The following PCDHA10 variants were observed in gnomAD, a reference collection of about 807,000 sequenced individuals.
PCDHA10 encodes the protein protocadherin alpha-10.
A neutral mutation model predicts 61.2 loss-of-function variants in PCDHA10; 45 were observed. The ratio of observed to expected loss-of-function variants is 0.74; its 90% CI spans 0.58 to 0.94. The LOEUF (loss-of-function observed/expected upper bound fraction) is 0.94. Among genes scored for constraint, PCDHA10 ranks in the 40% least tolerant of loss-of-function variants. PCDHA10 has a pLI of 0.00. For synonymous variants in PCDHA10, 602 were observed against 548.8 expected (o/e 1.10, Z -1.35); for missense variants, 1,278 against 1,236.2 (o/e 1.03, Z -0.51).
intron 1 of PCDHA10, among the ~76,000 whole-genome samples, chr5:140,952,912 C>A (rs1554220675): frequency 6.6e-6 from 1 of 152,042 alleles, no homozygotes; most frequent in East Asian, 1.9e-4. Flanking sequence ...GCTCATCTTA[C>A]ATGGCATGAG....
At chr5:140,966,839 C>T (rs782091529) in intron 1 of PCDHA10, 14 of 1,567,058 alleles carry the variant, frequency 8.9e-6, no homozygotes, top group Non-Finnish European at 1.1e-5. Flanking sequence ...CTGGCTGCTG[C>T]TACTGCCTCT....
chr5:140,897,309 A>G (rs1165791921), intron 1 of PCDHA10, among the ~76,000 whole-genome samples: 3 of 148,098 alleles, frequency 2.0e-5, no homozygotes, highest in Non-Finnish European at 3.0e-5. Flanking sequence ...CATTAGGTAT[A>G]TCTCCTAAAG....
rs782451974 is a variant in PCDHA10, at chr5:141,009,822, T to A, written c.2732T>A (p.Phe911Tyr). 6.2e-7 allele frequency: 1 copy of A among 1,613,720 alleles called. No individual in the cohort carries two copies. The highest frequency in any genetic ancestry group is 2.2e-5 in the East Asian group (1 of 44,866). Residue 911 changes from phenylalanine (F) to tyrosine (Y), a missense_variant, in exon 4 of 4, where the codon TTC (phenylalanine) becomes TAC (tyrosine). Physicochemically the swap from Phe to Tyr is conservative, Grantham distance 22. Transcript: ENST00000307360. ...AACAGCCAAATTGACAAAAGTGACTTCATAACCTTCGGCAAAAAGGAGGAG... is the reference window on the plus strand; with the variant it reads ...AACAGCCAAATTGACAAAAGTGACTACATAACCTTCGGCAAAAAGGAGGAG... ...PTNSQIDKSDFITFGKKEETK... is the reference protein window; with the variant it reads ...PTNSQIDKSDYITFGKKEETK...
intron 1 of PCDHA10, chr5:140,927,270 C>G: frequency 6.2e-7 from 1 of 1,614,150 alleles, no homozygotes; most frequent in Non-Finnish European, 8.5e-7. Context: ...TCTTTCCTGC[C>G]GGCGACGTGC....
At chr5:140,941,987 G>A (rs1315027422) in intron 1 of PCDHA10, among the ~76,000 whole-genome samples, 1 of 152,104 alleles carries the variant, frequency 6.6e-6, no homozygotes, top group Non-Finnish European at 1.5e-5. Flanking sequence ...ACCTTGATAA[G>A]GGATTCATAT....
intron 2 of PCDHA10, among the ~76,000 whole-genome samples, chr5:140,979,895 T>G (rs1460432451): frequency 6.6e-6 from 1 of 152,222 alleles, no homozygotes; most frequent in Non-Finnish European, 1.5e-5. Context: ...TTCACCAAAC[T>G]TAGATCAGTT....
chr5:141,003,411 G>A (rs537266386), intron 3 of PCDHA10, among the ~76,000 whole-genome samples: 4 of 152,092 alleles, frequency 2.6e-5, no homozygotes, highest in Non-Finnish European at 4.4e-5. Context: ...TCCCGGGTTC[G>A]AGTGATTCTT....
At chr5:140,942,949 G>A (rs1183072564) in intron 1 of PCDHA10, among the ~76,000 whole-genome samples, 10 of 151,942 alleles carry the variant, frequency 6.6e-5, no homozygotes, top group Admixed American at 1.3e-4. Flanking sequence ...AAGTGTAGAC[G>A]TTCTGTTATC....
intron 1 of PCDHA10, among the ~76,000 whole-genome samples, chr5:140,974,552 C>A (rs1554236185): frequency 6.6e-6 from 1 of 152,112 alleles, no homozygotes; most frequent in Non-Finnish European, 1.5e-5. Context: ...GCTCTTGTTG[C>A]CCAGGCTGGA....
chr5:140,971,401 G>A (rs2096476846), intron 1 of PCDHA10, among the ~76,000 whole-genome samples: 1 of 152,164 alleles, frequency 6.6e-6, no homozygotes, highest in Admixed American at 6.5e-5. Context: ...ATTTCTGCCA[G>A]GCACTTTTGG....
rs782410675 is a variant in PCDHA10 at position 140,884,460 on chromosome 5, C to G, written c.2388+26024C>G. On this transcript the variant is annotated intron_variant, in intron 1 of 3. Coordinates refer to ENST00000307360, the MANE Select transcript of PCDHA10 (RefSeq NM_018901.4). ...TGCTCGGCACCGCCCACCGAGGGCGCGTGCGCGCCGGGCAAGCCCACTCTA... is the reference window on the plus strand; with the variant it reads ...TGCTCGGCACCGCCCACCGAGGGCGGGTGCGCGCCGGGCAAGCCCACTCTA... The G allele has an allele frequency of 2.5e-6, 4 of 1,613,614 alleles. No individual in the cohort carries two copies. Among genetic ancestry groups the G allele is most frequent in the Non-Finnish European group, 2.5e-6 (3 of 1,179,818 alleles).
chr5:140,905,170 G>A (rs1350085385), intron 1 of PCDHA10, among the ~76,000 whole-genome samples: 1 of 152,188 alleles, frequency 6.6e-6, no homozygotes, highest in Non-Finnish European at 1.5e-5. Context: ...ATGGTTTCAG[G>A]TTTTAGATTT....
rs1554231789 is a variant in PCDHA10 at position 140,969,430 on chromosome 5, A to G, written c.2389-9519A>G. ...CTTTATTGAGTCATTAACAGTGACAAGAGTTATCTGGTAAACTGAGTATAT... is the reference window on the plus strand; with the variant it reads ...CTTTATTGAGTCATTAACAGTGACAGGAGTTATCTGGTAAACTGAGTATAT... On this transcript the variant is annotated intron_variant, in intron 1 of 3. Transcript: ENST00000307360. The G allele has an allele frequency of 1.2e-5, 19 of 1,554,588 alleles. 1 individual carries two copies. The Admixed American group carries it at 3.5e-4, about 29-fold the overall frequency.
intron 2 of PCDHA10, 158 bp downstream of exon 2, chr5:140,979,165 A>G (rs1586797430): frequency 1.0e-6 from 1 of 970,900 alleles, no homozygotes; most frequent in South Asian, 4.8e-5. Flanking sequence ...TTATTCCTTG[A>G]AAGATCGCAA....
intron 1 of PCDHA10, among the ~76,000 whole-genome samples, chr5:140,885,388 A>G (rs1187514037): frequency 2.0e-5 from 3 of 152,166 alleles, no homozygotes; most frequent in Admixed American, 2.0e-4. Context: ...CAGTCCCTGC[A>G]AATCTAATGG....
intron 1 of PCDHA10, chr5:140,967,964 G>T: frequency 6.2e-7 from 1 of 1,614,210 alleles, no homozygotes. Flanking sequence ...CAACCGGAAA[G>T]TGAGCCTGGG....
At chr5:141,001,607 A>G (rs1554258244) in intron 3 of PCDHA10, among the ~76,000 whole-genome samples, 1 of 152,078 alleles carries the variant, frequency 6.6e-6, no homozygotes, top group African/African-American at 2.4e-5. Flanking sequence ...AGGTTTGCCC[A>G]ATTCATAAAG....
chr5:140,911,234 C>T (rs1554194655), intron 1 of PCDHA10, among the ~76,000 whole-genome samples: 1 of 151,890 alleles, frequency 6.6e-6, no homozygotes, highest in East Asian at 1.9e-4. Context: ...TTTCTTCTGG[C>T]AAAAAAAGTT....
In PCDHA10 at chr5:140,858,601, A is replaced by G. The variant is rs7341057; in HGVS notation, c.2388+165A>G. On this transcript the variant is annotated intron_variant, in intron 1 of 3. Transcript: ENST00000307360. ...TAATATAATTTATTCCAGGAGTTTT[A>G]AAATTTTTTTATCCTACCCAGTGTG... 747 of 1,295,358 alleles carry G rather than the reference A, an allele frequency of 5.8e-4. 36 individuals carry two copies. The African/African-American group carries it at 0.01, about 18-fold the overall frequency. 80.2% of individuals were successfully genotyped at this position (1,295,358 alleles called of 1,614,324 possible).
Sources: gnomAD v4.1 joint callset for allele counts (sites outside exome capture counted in the v4.1 genomes callset) on GRCh38, gnomAD v4.1.1 for gene constraint, MANE v1.5 for transcripts, NCBI Gene and HGNC (gene_info 2026-07-23, HGNC 2026-07-21) for gene names.